FPR1: variants seen among roughly 807,000 people sequenced by gnomAD.
The protein encoded by FPR1 is formyl peptide receptor 1, also known as N-formyl peptide receptor 1.
For synonymous variants in FPR1, 193 were observed against 176.7 expected (o/e 1.09, Z -0.73); for missense variants, 407 against 453.0 (o/e 0.90, Z 0.92).
chr19:51,748,279 G>A (rs1040062431), intron 1 of FPR1, among the ~76,000 whole-genome samples: 8 of 152,250 alleles, frequency 5.3e-5, no homozygotes, highest in African/African-American at 1.9e-4. Flanking sequence ...CAAACTCACA[G>A]AGACCGAATG....
rs752751969 is a variant in FPR1, at chr19:51,746,046, G to A, written c.949C>T (p.Pro317Ser). 2.5e-6 allele frequency: 4 copies of A among 1,614,170 alleles called. No homozygotes were observed. The highest frequency in any genetic ancestry group is 3.4e-6 in the Non-Finnish European group (4 of 1,180,030). The change falls in exon 2 of 2, where the codon CCC (proline) becomes TCC (serine). Residue 317 changes from proline (P) to serine (S), a missense_variant. Pro to Ser is a moderately conservative substitution (Grantham distance 74). Transcript: ENST00000304748. This position sits in a 1 kb window ranked among gnomAD's most constrained non-coding sequence, Gnocchi z 4.3. ...GTCAGGGCCCTCTCCAGACTGGCGG[G>A]AAGGGCGTGGATCAGCCTCTCCCGG... is the stretch of plus-strand genomic sequence containing the variant. ...DFRERLIHAL[P>S]ASLERALTED...
chr19:51,750,324 T>C (rs1488586831), intron 1 of FPR1: 1 of 152,230 alleles, frequency 6.6e-6, no homozygotes, highest in Admixed American at 6.5e-5. Flanking sequence ...ATCTCATTAA[T>C]AGTTTTTATA....
rs370897484 is a variant in FPR1 at position 51,749,963 on chromosome 19, G to A, written c.-12+1851C>T. ...TAGGATTACAGGTGTGAGCCACTGC[G>A]CCCGGCCTGGTCTTCTCTTCTAATG... On this transcript the variant is annotated intron_variant, in intron 1 of 1. Coordinates refer to ENST00000304748, the MANE Select transcript of FPR1 (RefSeq NM_002029.4). 2.3e-4 allele frequency among the ~76,000 whole-genome samples: 35 copies of A among 152,260 alleles called. 1 individual carries two copies. In the East Asian group the frequency reaches 3.3e-3, roughly 14 times the overall value.
chr19:51,745,519 C>A (rs1444091789), downstream of FPR1: 1 of 178,574 alleles, frequency 5.6e-6, no homozygotes, highest in Non-Finnish European at 1.2e-5. Context: ...ACTTCTCCCT[C>A]CTCCTTCATT....
intron 1 of FPR1, among the ~76,000 whole-genome samples, chr19:51,749,076 A>G (rs2083765543): frequency 6.6e-6 from 1 of 152,086 alleles, no homozygotes; most frequent in African/African-American, 2.4e-5. Context: ...TTAGCCAGGC[A>G]TGGCGGTGGG....
Position 51,746,155 on chromosome 19 carries a change from A to G in FPR1, c.840T>C (p.Gly280=). 4 of 1,614,178 alleles carry G rather than the reference A, an allele frequency of 2.5e-6. No homozygotes were observed. The South Asian group carries it at 3.3e-5, about 13-fold the overall frequency. ...ELLQGMYKEI[G]IAVDVTSALA... is the part of the protein sequence containing the mutation. ...GGGCACTTGTCACATCCACTGCAAT[A>G]CCAATTTCTTTGTACATGCCTTGCA... Residue 280 remains glycine (G), a synonymous_variant, in exon 2 of 2, where the codon GGT becomes GGC. Coordinates refer to ENST00000304748, the MANE Select transcript of FPR1 (RefSeq NM_002029.4). This position sits in a 1 kb window ranked among gnomAD's most constrained non-coding sequence, Gnocchi z 4.3.
chr19:51,747,298 C>T (rs548175891), intron 1 of FPR1, among the ~76,000 whole-genome samples: 1 of 151,398 alleles, frequency 6.6e-6, no homozygotes, highest in African/African-American at 2.4e-5. Flanking sequence ...TCACTGCAAC[C>T]TCCACCTCCC....
intron 1 of FPR1, among the ~76,000 whole-genome samples, chr19:51,750,474 T>C (rs977761143): frequency 1.3e-5 from 2 of 152,218 alleles, no homozygotes; most frequent in Non-Finnish European, 2.9e-5. Context: ...GTCTCACATT[T>C]CTAATGAACT....
At chr19:51,749,490 C>G (rs1392492308) in intron 1 of FPR1, among the ~76,000 whole-genome samples, 1 of 152,132 alleles carries the variant, frequency 6.6e-6, no homozygotes, top group African/African-American at 2.4e-5. Context: ...ATGGGAGGTG[C>G]TTCTCCATCC....
rs111553713 is a variant in FPR1, at chr19:51,751,539, C to T, written c.-12+275G>A. Among the ~76,000 whole-genome samples, 276 of 152,180 alleles carry T rather than the reference C, an allele frequency of 1.8e-3. 2 individuals carry two copies. The highest frequency in any genetic ancestry group is 9.3e-3 in the East Asian group (48 of 5,184). ...CTTGAATTACAGACGCCCACCACCA[C>T]GCCTGGCTAATTTTTGTATTTTTAA... On this transcript the variant is annotated intron_variant, in intron 1 of 1. Transcript: ENST00000304748.
intron 1 of FPR1, among the ~76,000 whole-genome samples, chr19:51,749,261 G>A (rs926749695): frequency 2.6e-5 from 4 of 151,862 alleles, no homozygotes; most frequent in African/African-American, 4.8e-5. Flanking sequence ...AATTCTGCTC[G>A]CTCTCTCTCT....
Position 51,746,392 on chromosome 19 carries a change from T to C in FPR1, c.603A>G (p.Arg201=), listed in dbSNP as rs2083745127. ...AGCCAATGATGAACCGGATGATGCC[T>C]CTCACCGTCAACATGGCAACGGCCA... is the stretch of plus-strand genomic sequence containing the variant. ...INVAVAMLTV[R]GIIRFIIGFS... Residue 201 remains arginine (R), a synonymous_variant, in exon 2 of 2, where the codon AGA becomes AGG. Transcript: ENST00000304748. This position sits in a 1 kb window ranked among gnomAD's most constrained non-coding sequence, Gnocchi z 4.3. 1.2e-6 allele frequency: 2 copies of C among 1,614,116 alleles called. No individual in the cohort carries two copies. Among genetic ancestry groups the C allele is most frequent in the East Asian group, 4.5e-5 (2 of 44,866 alleles).
chr19:51,751,455 T>C (rs899494776), intron 1 of FPR1, among the ~76,000 whole-genome samples: 2 of 152,134 alleles, frequency 1.3e-5, no homozygotes, highest in Non-Finnish European at 2.9e-5. Flanking sequence ...CAATCTGAGC[T>C]CACTGCAACC....
At chr19:51,751,646 G>A (rs560867857) in intron 1 of FPR1, among the ~76,000 whole-genome samples, 168 bp downstream of exon 1, 1 of 152,210 alleles carries the variant, frequency 6.6e-6, no homozygotes, top group Non-Finnish European at 1.5e-5. Context: ...GCCTCCCAAA[G>A]TGCTGGGATT....
chr19:51,751,791 G>C (rs1423934470), intron 1 of FPR1, 23 bp downstream of exon 1: 1 of 152,246 alleles, frequency 6.6e-6, no homozygotes. Context: ...AAGCTACCCA[G>C]TCCCCCAGAA....
chr19:51,746,347 G>T lies in FPR1; in HGVS notation c.648C>A (p.Ile216=), dbSNP rs775825440. The T allele has an allele frequency of 6.2e-7, 1 of 1,614,072 alleles. No individual in the cohort carries two copies. Among genetic ancestry groups the T allele is most frequent in the East Asian group, 2.2e-5 (1 of 44,894 alleles). The change falls in exon 2 of 2, where the codon ATC becomes ATA. Residue 216 remains isoleucine, a synonymous_variant. Coordinates refer to ENST00000304748, the MANE Select transcript of FPR1 (RefSeq NM_002029.4). The surrounding 1 kb of genome is among the most constrained non-coding windows in gnomAD (Gnocchi z 4.3). ...CAATAAGCCCATAACTGACAGCAAC[G>T]ATGGACATGGGTGCGCTGAAGCCAA... ...FIIGFSAPMS[I]VAVSYGLIAT...
At chr19:51,749,689 T>G (rs547621295) in intron 1 of FPR1, among the ~76,000 whole-genome samples, 1 of 152,102 alleles carries the variant, frequency 6.6e-6, no homozygotes, top group South Asian at 2.1e-4. Flanking sequence ...TGAGATGGAG[T>G]CTCTCTCTAT....
Position 51,746,721 on chromosome 19 carries a change from G to C in FPR1, c.274C>G (p.Pro92Ala), listed in dbSNP as rs750324912. The C allele has an allele frequency of 6.2e-7, 1 of 1,614,032 alleles. No homozygotes were observed. The highest frequency in any genetic ancestry group is 8.5e-7 in the Non-Finnish European group (1 of 1,180,036). ...MVRKAMGGHW[P>A]FGWFLCKFVF... The stretch of plus-strand genomic sequence containing the variant: ...AATTTGCACAGGAACCAGCCGAAAG[G>C]CCAATGTCCTCCCATGGCCTTCCTG... Residue 92 changes from proline to alanine, a missense_variant, in exon 2 of 2, where the codon CCT (proline) becomes GCT (alanine). Pro to Ala is a conservative substitution (Grantham distance 27, BLOSUM62 -1). Coordinates refer to ENST00000304748, the MANE Select transcript of FPR1 (RefSeq NM_002029.4). The surrounding 1 kb of genome is among the most constrained non-coding windows in gnomAD (Gnocchi z 4.3).
chr19:51,746,562 C>A lies in FPR1; in HGVS notation c.433G>T (p.Val145Leu), dbSNP rs1450551085. The A allele has an allele frequency of 6.2e-7, 1 of 1,614,190 alleles. No individual in the cohort carries two copies. The highest frequency in any genetic ancestry group is 8.5e-7 in the Non-Finnish European group (1 of 1,180,040). ...NHRTVSLAKKVIIGPWVMALL... is the reference protein window; with the variant it reads ...NHRTVSLAKKLIIGPWVMALL... ...GCCATCACCCAGGGCCCAATGATCACCTTCTTGGCCAGGCTCACGGTGCGG... is the reference window on the plus strand; with the variant it reads ...GCCATCACCCAGGGCCCAATGATCAACTTCTTGGCCAGGCTCACGGTGCGG... The change falls in exon 2 of 2, where the codon GTG (valine) becomes TTG (leucine). Residue 145 changes from valine (V) to leucine (L), a missense_variant. Coordinates refer to ENST00000304748, the MANE Select transcript of FPR1 (RefSeq NM_002029.4). This position sits in a 1 kb window ranked among gnomAD's most constrained non-coding sequence, Gnocchi z 4.3.
Sources: allele counts gnomAD v4.1 joint callset (sites outside exome capture counted in the v4.1 genomes callset), GRCh38; gene constraint gnomAD v4.1.1; non-coding constraint Gnocchi (gnomAD v3.1); transcripts MANE v1.5; gene names NCBI Gene and HGNC (gene_info 2026-07-23, HGNC 2026-07-21).